TFAP2C: variants seen among roughly 807,000 people sequenced by gnomAD.
The protein encoded by TFAP2C is activating enhancer-binding protein 2 gamma.
In TFAP2C, 9 loss-of-function variants were observed where a neutral mutation model predicts 42.9. The observed-to-expected ratio is 0.21, with a 90% CI of 0.13 to 0.37. The LOEUF (loss-of-function observed/expected upper bound fraction) is 0.37. Among genes scored for constraint, TFAP2C ranks in the 10% least tolerant of loss-of-function variants. The probability of loss-of-function intolerance (pLI) is 1.00; values close to 1 mark genes in which losing one functional copy is unlikely to be tolerated. For synonymous variants in TFAP2C, 264 were observed against 256.0 expected (o/e 1.03, Z -0.30); for missense variants, 462 against 591.7 (o/e 0.78, Z 2.27).
In TFAP2C at chr20:56,630,338, T is replaced by C. The variant is rs962129821; in HGVS notation, c.48+746T>C. The C allele has an allele frequency of 6.8e-6, 3 of 443,470 alleles. No homozygotes were observed. The highest frequency in any genetic ancestry group is 6.1e-5 in the African/African-American group (3 of 48,794). The allele number at this position is 443,470 out of a possible 1,614,324, so 27.5% of individuals were successfully genotyped here. On this transcript the variant is annotated intron_variant, in intron 1 of 6. Transcript: ENST00000201031. This position sits in a 1 kb window ranked among gnomAD's most constrained non-coding sequence, Gnocchi z 5.1. Reference sequence around the variant, plus strand: ...TGCCCCTGCCCGCAGGCCCGGGCGCTTCCGCCAGGAGGCGACAGCGCCATG... The same window carrying C: ...TGCCCCTGCCCGCAGGCCCGGGCGCCTCCGCCAGGAGGCGACAGCGCCATG...
rs1987491123 is a variant in TFAP2C, at chr20:56,631,539, T to C, written c.383T>C (p.Leu128Pro). The change falls in exon 2 of 7, where the codon CTC (leucine) becomes CCC (proline). Residue 128 changes from leucine (L) to proline (P), a missense_variant. Physicochemically the swap from Leu to Pro is moderately conservative, Grantham distance 98. This residue lies in a region of TFAP2C where 271 missense variants were observed against 269.7 expected (regional missense o/e 1.00). Coordinates refer to ENST00000201031, the MANE Select transcript of TFAP2C (RefSeq NM_003222.4). The surrounding 1 kb of genome is among the most constrained non-coding windows in gnomAD (Gnocchi z 6.1). ...HGRPAGLLPH[L>P]SGLEAGAVSA... is the part of the protein sequence containing the mutation. ...CGCCCGGCCGGCCTACTGCCCCACC[T>C]CTCCGGGCTGGAGGCGGGCGCGGTG... 2.0e-6 allele frequency: 3 copies of C among 1,528,726 alleles called. No individual in the cohort carries two copies. The highest frequency in any genetic ancestry group is 2.6e-6 in the Non-Finnish European group (3 of 1,144,486). The allele number at this position is 1,528,726 out of a possible 1,614,324, so 94.7% of individuals were successfully genotyped here. A position where few individuals can be genotyped will look rare whatever the true frequency, so the allele number is the denominator to read the frequency against.
Position 56,636,647 on chromosome 20 carries a change from C to T in TFAP2C, c.960C>T (p.Val320=), listed in dbSNP as rs1344214966. Residue 320 remains valine, a synonymous_variant, in exon 6 of 7, where the codon GTC becomes GTT. Coordinates refer to ENST00000201031, the MANE Select transcript of TFAP2C (RefSeq NM_003222.4). ...ATTTGGCTAGGGACTTTGCCTATGTCTGTGAAGCCGAATTTCCTAGTAAAC... is the reference window on the plus strand; with the variant it reads ...ATTTGGCTAGGGACTTTGCCTATGTTTGTGAAGCCGAATTTCCTAGTAAAC... ...AVHLARDFAY[V]CEAEFPSKPV... is the part of the protein sequence containing the mutation. The T allele has an allele frequency of 1.2e-6, 2 of 1,614,052 alleles. No homozygotes were observed. Among genetic ancestry groups the T allele is most frequent in the East Asian group, 2.2e-5 (1 of 44,880 alleles).
At position 56,637,873 on chromosome 20, in the gene TFAP2C, A is replaced by G. The variant is rs1987615784; in HGVS notation, c.1213A>G (p.Ile405Val). The stretch of plus-strand genomic sequence containing the variant: ...TACCCACGGGTTTGGCAGCCAGGCC[A>G]TCTGTGCCGCGGTGTCTGCCCTGCA... ...LITHGFGSQAICAAVSALQNY... is the reference protein window; with the variant it reads ...LITHGFGSQAVCAAVSALQNY... Residue 405 changes from isoleucine to valine, a missense_variant, in exon 7 of 7, where the codon ATC (isoleucine) becomes GTC (valine). Ile to Val is a conservative substitution (Grantham distance 29). Around this residue, in one of 5 missense-constraint regions of TFAP2C, gnomAD observed 130 missense variants for 160.8 expected, o/e 0.81. Coordinates refer to ENST00000201031, the MANE Select transcript of TFAP2C (RefSeq NM_003222.4). 1 of 1,603,918 alleles carries G rather than the reference A, an allele frequency of 6.2e-7. No homozygotes were observed.
chr20:56,637,676 G>C (rs1161520761), intron 6 of TFAP2C, 52 bp from the exon 7 acceptor site: 128 of 1,587,680 alleles, frequency 8.1e-5, no homozygotes, highest in Non-Finnish European at 1.1e-4. Context: ...CTGTGCTCTT[G>C]ACCTGTAAGG....
At position 56,630,884 on chromosome 20, in the gene TFAP2C, T is replaced by C. The variant is rs1987475680; in HGVS notation, c.49-321T>C. ...CGCCCCGGGCTCCGGCCACGGACTT[T>C]TCTGGCCCAAGACCCAGGGTTCGGA... On this transcript the variant is annotated intron_variant, in intron 1 of 6. Transcript: ENST00000201031. This position sits in a 1 kb window ranked among gnomAD's most constrained non-coding sequence, Gnocchi z 5.1. The C allele has an allele frequency of 1.0e-6, 1 of 985,184 alleles. No individual in the cohort carries two copies. Among genetic ancestry groups the C allele is most frequent in the Non-Finnish European group, 1.2e-6 (1 of 829,818 alleles). 61.0% of individuals were successfully genotyped at this position (985,184 alleles called of 1,614,324 possible).
At chr20:56,633,614 G>A in intron 4 of TFAP2C, 45 bp downstream of exon 4, 1 of 1,480,360 alleles carries the variant, frequency 6.8e-7, no homozygotes. Flanking sequence ...GTAGTTGAAG[G>A]TGAGTGTATC....
Position 56,631,441 on chromosome 20 carries a change from C to G in TFAP2C, c.285C>G (p.Pro95=). 4 of 1,580,978 alleles carry G rather than the reference C, an allele frequency of 2.5e-6. No individual in the cohort carries two copies. The highest frequency in any genetic ancestry group is 3.4e-6 in the Non-Finnish European group (4 of 1,165,846). The change falls in exon 2 of 7, where the codon CCC becomes CCG. Residue 95 remains proline, a synonymous_variant. Coordinates refer to ENST00000201031, the MANE Select transcript of TFAP2C (RefSeq NM_003222.4). The surrounding 1 kb of genome is among the most constrained non-coding windows in gnomAD (Gnocchi z 6.1). The part of the protein sequence containing the change: ...AAINPLHQPA[P]TGSQQQAWPG... ...TCAACCCCCTGCACCAGCCGGCGCC[C>G]ACAGGCAGCCAGCAGCAGGCCTGGC...
chr20:56,637,155 T>C (rs1002860617), intron 6 of TFAP2C, among the ~76,000 whole-genome samples: 3 of 152,200 alleles, frequency 2.0e-5, no homozygotes, highest in Non-Finnish European at 4.4e-5. Context: ...CAGGGTGGAT[T>C]TGTGGGCAAA....
chr20:56,637,307 G>T (rs761128092), intron 6 of TFAP2C, among the ~76,000 whole-genome samples: 1 of 152,238 alleles, frequency 6.6e-6, no homozygotes, highest in Non-Finnish European at 1.5e-5. Flanking sequence ...GAACCAGGCT[G>T]TGTCAGGAGT....
rs1987476081 is a variant in TFAP2C at position 56,630,904 on chromosome 20, TTCGGACTTGGCGCCTCCAAGCGCC to T, written c.49-296_49-273del. 1.0e-6 allele frequency: 1 copy of T among 985,172 alleles called. No individual in the cohort carries two copies. The highest frequency in any genetic ancestry group is 1.2e-6 in the Non-Finnish European group (1 of 829,902). 61.0% of individuals were successfully genotyped at this position (985,172 alleles called of 1,614,324 possible). On this transcript the variant is annotated intron_variant, in intron 1 of 6. Transcript: ENST00000201031. The surrounding 1 kb of genome is among the most constrained non-coding windows in gnomAD (Gnocchi z 5.1). The stretch of plus-strand genomic sequence containing the variant: ...GACTTTTCTGGCCCAAGACCCAGGG[TTCGGACTTGGCGCCTCCAAGCGCC>T]TCGGGCTTGGGAGCAGCGCCTAGAC...
At chr20:56,634,314 C>A in intron 5 of TFAP2C, 46 bp downstream of exon 5, 1 of 1,395,778 alleles carries the variant, frequency 7.2e-7, no homozygotes, top group Non-Finnish European at 1.0e-6. Flanking sequence ...TAATTTGTGC[C>A]TGTGTCTTTA....
In TFAP2C at chr20:56,629,791, C is replaced by T. The variant is rs888047354; in HGVS notation, c.48+199C>T. 6.6e-6 allele frequency among the ~76,000 whole-genome samples: 1 copy of T among 152,114 alleles called. No individual in the cohort carries two copies. Among genetic ancestry groups the T allele is most frequent in the African/African-American group, 2.4e-5 (1 of 41,442 alleles). On this transcript the variant is annotated intron_variant, in intron 1 of 6. Coordinates refer to ENST00000201031, the MANE Select transcript of TFAP2C (RefSeq NM_003222.4). The surrounding 1 kb of genome is among the most constrained non-coding windows in gnomAD (Gnocchi z 5.9). ...GGCCTTTTCCTAAATAGCCTCCCCT[C>T]GGGAACGAGGCCTGGAAAGAGAATG...
Position 56,631,682 on chromosome 20 carries a change from G to C in TFAP2C, c.526G>C (p.Glu176Gln), listed in dbSNP as rs200017220. The C allele has an allele frequency of 1.3e-6, 2 of 1,589,964 alleles. No homozygotes were observed. The highest frequency in any genetic ancestry group is 1.7e-6 in the Non-Finnish European group (2 of 1,169,522). Residue 176 changes from glutamate to glutamine, a missense_variant, in exon 2 of 7, where the codon GAG becomes CAG. By Grantham distance (29) the Glu-to-Gln change is conservative (BLOSUM62 2). Around this residue, in one of 5 missense-constraint regions of TFAP2C, gnomAD observed 271 missense variants for 269.7 expected, o/e 1.00. Transcript: ENST00000201031. This position sits in a 1 kb window ranked among gnomAD's most constrained non-coding sequence, Gnocchi z 6.1. Reference sequence around the variant, plus strand: ...CCACGACATGCCTCACCAGATGGACGAGGTGCAGGTGAGCGGCGCTGCGGC... The same window carrying C: ...CCACGACATGCCTCACCAGATGGACCAGGTGCAGGTGAGCGGCGCTGCGGC... ...GLHDMPHQMD[E>Q]VQNVDDQHLL...
At chr20:56,632,301 T>A (rs1041130121) in intron 3 of TFAP2C, among the ~76,000 whole-genome samples, 1 of 152,222 alleles carries the variant, frequency 6.6e-6, no homozygotes, top group Non-Finnish European at 1.5e-5. Context: ...AATTCTGACC[T>A]GCAAGAAAAG....
Position 56,629,624 on chromosome 20 carries a change from C to G in TFAP2C, c.48+32C>G. On this transcript the variant is annotated intron_variant, in intron 1 of 6. Transcript: ENST00000201031. This position sits in a 1 kb window ranked among gnomAD's most constrained non-coding sequence, Gnocchi z 5.9. ...TGGGGCTCCGGGGTGCAGCCCCGCC[C>G]CGCCGAGGACAGTCCGGGAGGCAGG... is the stretch of plus-strand genomic sequence containing the variant. 7.2e-7 allele frequency: 1 copy of G among 1,393,296 alleles called. No homozygotes were observed. Among genetic ancestry groups the G allele is most frequent in the Non-Finnish European group, 9.3e-7 (1 of 1,072,652 alleles). The allele number at this position is 1,393,296 out of a possible 1,614,324, so 86.3% of individuals were successfully genotyped here.
At chr20:56,637,578 A>G in intron 6 of TFAP2C, 150 bp from the exon 7 acceptor site, 1 of 653,368 alleles carries the variant, frequency 1.5e-6, no homozygotes, top group Non-Finnish European at 2.6e-6. Context: ...TGCTAAGCGC[A>G]GCAGTTGGCT....
At chr20:56,633,948 G>C (rs1031303125) in intron 4 of TFAP2C, among the ~76,000 whole-genome samples, 2 of 152,202 alleles carry the variant, frequency 1.3e-5, no homozygotes, top group African/African-American at 4.8e-5. Context: ...TGGATGCTAG[G>C]AAAGATTGAT....
intron 3 of TFAP2C, among the ~76,000 whole-genome samples, chr20:56,633,139 G>A (rs546223833): frequency 6.6e-6 from 1 of 152,182 alleles, no homozygotes; most frequent in East Asian, 1.9e-4. Context: ...TGAGGCTGCA[G>A]TGAGCAGAGA....
At position 56,634,367 on chromosome 20, in the gene TFAP2C, G is replaced by A. The variant is rs1318277270; in HGVS notation, c.922+99G>A. ...ACTGGAAAACAACTCTTAAAACTTG[G>A]TTGCAAGTAGAGATGAAAGCAATTG... On this transcript the variant is annotated intron_variant, in intron 5 of 6. Coordinates refer to ENST00000201031, the MANE Select transcript of TFAP2C (RefSeq NM_003222.4). 8.5e-6 allele frequency: 7 copies of A among 826,110 alleles called. No homozygotes were observed. In the Admixed American group the frequency reaches 1.0e-4, roughly 12 times the overall value. 51.2% of individuals were successfully genotyped at this position (826,110 alleles called of 1,614,324 possible). A position where few individuals can be genotyped will look rare whatever the true frequency, so the allele number is the denominator to read the frequency against.
Sources: gnomAD v4.1 joint callset for allele counts (sites outside exome capture counted in the v4.1 genomes callset) on GRCh38, gnomAD v4.1.1 for gene constraint, gnomAD v4.1.1 regional missense constraint, Gnocchi (gnomAD v3.1) non-coding constraint, MANE v1.5 for transcripts, NCBI Gene and HGNC (gene_info 2026-07-23, HGNC 2026-07-21) for gene names.